Variants in COL5A2 observed in about 807,000 individuals in gnomAD.
COL5A2 encodes collagen type V alpha 2 chain.
A neutral mutation model predicts 208.2 loss-of-function variants in COL5A2; 23 were observed. The observed-to-expected ratio is 0.11, with a 90% CI of 0.08 to 0.16. COL5A2 has a LOEUF of 0.16. Among genes scored for constraint, COL5A2 ranks in the 10% least tolerant of loss-of-function variants. COL5A2 has a pLI of 1.00. For missense variants in COL5A2, 1,590 were observed against 1,956.4 expected (o/e 0.81, Z 3.53); for synonymous variants, 625 against 628.5 (o/e 0.99, Z 0.08).
the COL5A2 span, among the ~76,000 whole-genome samples, chr2:189,393,887 G>A: frequency 6.6e-6 from 1 of 152,282 alleles, no homozygotes; most frequent in Middle Eastern, 3.4e-3. Context: ...CGCCACAATA[G>A]TTTCCAGCTG....
chr2:189,334,255 T>C, the COL5A2 span, among the ~76,000 whole-genome samples: 32 of 151,884 alleles, frequency 2.1e-4, no homozygotes, highest in Admixed American at 7.2e-4. Context: ...TCCTAGCCAG[T>C]ACAAAAAATC....
chr2:189,312,000 C>G, the COL5A2 span: 5 of 750,880 alleles, frequency 6.7e-6, no homozygotes, highest in East Asian at 1.3e-4. Flanking sequence ...ATGGATGTCA[C>G]TCTCCACAGA....
At chr2:189,399,882 G>A in the COL5A2 span, among the ~76,000 whole-genome samples, 1 of 151,810 alleles carries the variant, frequency 6.6e-6, no homozygotes, top group Non-Finnish European at 1.5e-5. Context: ...GTATTTTTTT[G>A]TAGAGACAGG....
rs1333685182 is a variant in COL5A2, at chr2:189,042,903, C to T, written c.3472-130G>A. On this transcript the variant is annotated intron_variant, in intron 48 of 53. Coordinates refer to ENST00000374866, the MANE Select transcript of COL5A2 (RefSeq NM_000393.5). ...ATAAAGTCACCAATCTCTGCAATGT[C>T]TACATGAGTTGACCAATGTTAAAGA... is the stretch of plus-strand genomic sequence containing the variant. The T allele has an allele frequency of 3.3e-6, 3 of 919,206 alleles. No homozygotes were observed. The African/African-American group carries it at 4.9e-5, about 15-fold the overall frequency. The allele number at this position is 919,206 out of a possible 1,614,324, so 56.9% of individuals were successfully genotyped here. A position where few individuals can be genotyped will look rare whatever the true frequency, so the allele number is the denominator to read the frequency against.
intron 41 of COL5A2, 138 bp from the exon 42 acceptor site, chr2:189,051,619 T>C: frequency 1.5e-6 from 1 of 689,308 alleles, no homozygotes; most frequent in Non-Finnish European, 2.2e-6. Flanking sequence ...TCAGTCATTC[T>C]ATAGGATTTA....
chr2:189,063,262 T>C lies in COL5A2; in HGVS notation c.1779A>G (p.Pro593=). The change falls in exon 27 of 54, where the codon CCA becomes CCG. Residue 593 remains proline (P), a synonymous_variant. Transcript: ENST00000374866. Reference sequence around the variant, plus strand: ...GAGGACCTGGACGGCCATCTTCCCCTGGCGCACCCTATAGAATTGACAGGA... The same window carrying C: ...GAGGACCTGGACGGCCATCTTCCCCCGGCGCACCCTATAGAATTGACAGGA... The part of the protein sequence containing the change: ...PEGKLGPLGA[P]GEDGRPGPPG... 1 of 1,613,818 alleles carries C rather than the reference T, an allele frequency of 6.2e-7. No individual in the cohort carries two copies. Among genetic ancestry groups the C allele is most frequent in the Non-Finnish European group, 8.5e-7 (1 of 1,179,904 alleles).
intron 1 of COL5A2, 132 bp downstream of exon 1, chr2:189,179,376 T>C (rs1576577004): frequency 1.0e-6 from 1 of 984,706 alleles, no homozygotes; most frequent in Admixed American, 2.0e-5. Context: ...GTTTTCCAGG[T>C]GCAAATCCGT....
the COL5A2 span, among the ~76,000 whole-genome samples, chr2:189,346,006 A>C: frequency 6.6e-6 from 1 of 152,210 alleles, no homozygotes; most frequent in Non-Finnish European, 1.5e-5. Context: ...CAAGTTCTCC[A>C]ACACTCTTTT....
At chr2:189,229,771 G>A (rs963173254), upstream of COL5A2, among the ~76,000 whole-genome samples, 6 of 151,818 alleles carry the variant, frequency 4.0e-5, no homozygotes, top group South Asian at 1.2e-3. Flanking sequence ...GCCATCTACA[G>A]ATTTAATACA....
intron 42 of COL5A2, among the ~76,000 whole-genome samples, chr2:189,051,084 C>T (rs1256826496): frequency 6.6e-6 from 1 of 151,934 alleles, no homozygotes; most frequent in African/African-American, 2.4e-5. Flanking sequence ...ACACAATGAA[C>T]ATTTAACAAA....
the COL5A2 span, among the ~76,000 whole-genome samples, chr2:189,335,718 AT>A: frequency 1.3e-5 from 2 of 152,172 alleles, no homozygotes; most frequent in African/African-American, 2.4e-5. Flanking sequence ...ATTCTGCATG[AT>A]TTTTTTAAGT....
chr2:189,053,145 C>T, intron 38 of COL5A2, 127 bp from the exon 39 acceptor site: 2 of 854,572 alleles, frequency 2.3e-6, no homozygotes, highest in Non-Finnish European at 3.6e-6. Context: ...AGTATTAAAG[C>T]ATACTAAAGG....
intron 1 of COL5A2, among the ~76,000 whole-genome samples, chr2:189,111,617 CAG>C (rs1364396188): frequency 6.6e-6 from 1 of 152,112 alleles, no homozygotes; most frequent in Non-Finnish European, 1.5e-5. Flanking sequence ...TGATATTTTT[CAG>C]AGACCTTTTC....
intron 1 of COL5A2, among the ~76,000 whole-genome samples, chr2:189,120,457 G>C (rs184817306): frequency 6.6e-6 from 1 of 152,162 alleles, no homozygotes; most frequent in Non-Finnish European, 1.5e-5. Flanking sequence ...TAAGTCTGGG[G>C]AACATCAACC....
chr2:189,381,114 C>G, the COL5A2 span, among the ~76,000 whole-genome samples: 1 of 151,900 alleles, frequency 6.6e-6, no homozygotes, highest in African/African-American at 2.4e-5. Context: ...GAGTAAAAAA[C>G]GGAAACAAAG....
At chr2:189,262,581 T>C in the COL5A2 span, among the ~76,000 whole-genome samples, 1 of 152,012 alleles carries the variant, frequency 6.6e-6, no homozygotes, top group Non-Finnish European at 1.5e-5. Flanking sequence ...CTCAGTCTTC[T>C]TTATAAAAAA....
intron 43 of COL5A2, 70 bp from the exon 44 acceptor site, chr2:189,049,524 G>A: frequency 1.6e-6 from 2 of 1,259,040 alleles, no homozygotes; most frequent in Non-Finnish European, 2.3e-6. Context: ...TAAAGGCTAA[G>A]TTTTCAAAAT....
intron 1 of COL5A2, among the ~76,000 whole-genome samples, chr2:189,153,601 G>A (rs968411475): frequency 1.3e-5 from 2 of 152,156 alleles, no homozygotes; most frequent in African/African-American, 4.8e-5. Flanking sequence ...GTGCACAGGG[G>A]TGATAAGCTT....
At position 189,063,198 on chromosome 2, in the gene COL5A2, C is replaced by A. The variant is rs1686073206; in HGVS notation, c.1843G>T (p.Gly615Cys). 2 of 1,613,988 alleles carry A rather than the reference C, an allele frequency of 1.2e-6. No individual in the cohort carries two copies. Among genetic ancestry groups the A allele is most frequent in the African/African-American group, 1.3e-5 (1 of 74,894 alleles). Residue 615 changes from glycine to cysteine, a missense_variant, in exon 27 of 54, where the codon GGC becomes TGC. Transcript: ENST00000374866. ...IGIRGQPGSMGLPGPKGSSGD... is the reference protein window; with the variant it reads ...IGIRGQPGSMCLPGPKGSSGD... ...CTGCTACCTTTGGGGCCTGGAAGGC[C>A]CATGCTCCCGGGCTGCCCTCTGATT...
Sources: allele counts gnomAD v4.1 joint callset (sites outside exome capture counted in the v4.1 genomes callset), GRCh38; gene constraint gnomAD v4.1.1; transcripts MANE v1.5; gene names NCBI Gene and HGNC (gene_info 2026-07-23, HGNC 2026-07-21).